GNAI2: variants seen among roughly 807,000 people sequenced by gnomAD.
The protein encoded by GNAI2 is guanine nucleotide-binding protein G(i) subunit alpha-2.
A neutral mutation model predicts 36.8 loss-of-function variants in GNAI2; 4 were observed. The ratio of observed to expected loss-of-function variants is 0.11; its 90% CI spans 0.05 to 0.25. The LOEUF (loss-of-function observed/expected upper bound fraction) is 0.25, where lower values mean the gene tolerates loss of function less well. Ranked by LOEUF, GNAI2 falls within the 10% of genes least tolerant of loss-of-function variation. The pLI is 1.00. For missense variants in GNAI2, 230 were observed against 481.3 expected, an observed-to-expected ratio of 0.48 and a Z score of 4.89; for synonymous variants, 194 against 194.1, an observed-to-expected ratio of 1.00 and a Z score of 0.01.
chr3:50,253,225 G>C lies in GNAI2; in HGVS notation c.464+41G>C. On this transcript the variant is annotated intron_variant, in intron 4 of 8. Coordinates refer to ENST00000313601, the MANE Select transcript of GNAI2 (RefSeq NM_002070.4). The surrounding 1 kb of genome is among the most constrained non-coding windows in gnomAD (Gnocchi z 4.2). ...GGCTGGGCAGGGCAGGGCAGGGGCT[G>C]GGGGAGGACTAAAGGCTGGACCGGA... 1 of 1,539,618 alleles carries C rather than the reference G, an allele frequency of 6.5e-7. No individual in the cohort carries two copies. The highest frequency in any genetic ancestry group is 8.9e-7 in the Non-Finnish European group (1 of 1,120,620).
intron 1 of GNAI2, chr3:50,251,307 AG>A (rs1700551864): frequency 1.1e-6 from 1 of 899,786 alleles, no homozygotes; most frequent in Admixed American, 6.2e-5. Flanking sequence ...GAACAGAAAC[AG>A]TATCTGCTGT....
At chr3:50,248,644 T>G (rs1553702030) in intron 1 of GNAI2, among the ~76,000 whole-genome samples, 1 of 152,164 alleles carries the variant, frequency 6.6e-6, no homozygotes, top group Admixed American at 6.5e-5. Context: ...ACTTCCCGCC[T>G]GAGTCACAGC....
chr3:50,252,536 G>A lies in GNAI2; in HGVS notation c.301G>A (p.Ala101Thr), dbSNP rs149596343. 131 of 1,612,424 alleles carry A rather than the reference G, an allele frequency of 8.1e-5. No individual in the cohort carries two copies. The highest frequency in any genetic ancestry group is 1.1e-4 in the Non-Finnish European group (127 of 1,179,282). Residue 101 changes from alanine to threonine, a missense_variant and splice_region_variant, in exon 3 of 9, where the codon GCG becomes ACG. Ala to Thr is a moderately conservative substitution (Grantham distance 58). Coordinates refer to ENST00000313601, the MANE Select transcript of GNAI2 (RefSeq NM_002070.4). This position sits in a 1 kb window ranked among gnomAD's most constrained non-coding sequence, Gnocchi z 4.1. ...LQIDFADPSRADDARQLFALS... is the reference protein window; with the variant it reads ...LQIDFADPSRTDDARQLFALS... Reference sequence around the variant, plus strand: ...GATCGACTTTGCCGACCCCTCCAGAGCGGTATGTGCCCTCCGCCCCACCCT... The same window carrying A: ...GATCGACTTTGCCGACCCCTCCAGAACGGTATGTGCCCTCCGCCCCACCCT...
chr3:50,243,322 G>A (rs587729553), intron 1 of GNAI2, among the ~76,000 whole-genome samples: 206 of 152,382 alleles, frequency 1.4e-3, no homozygotes, highest in Non-Finnish European at 2.7e-3. Flanking sequence ...CTGGGAGAAG[G>A]ACGCTGGCGG....
chr3:50,259,157 GC>G lies in GNAI2; in HGVS notation c.*818del, dbSNP rs782788940. 1.5e-5 allele frequency: 5 copies of G among 332,482 alleles called. No homozygotes were observed. Among genetic ancestry groups the G allele is most frequent in the African/African-American group, 4.3e-5 (2 of 46,260 alleles). The allele number at this position is 332,482 out of a possible 1,614,324, so 20.6% of individuals were successfully genotyped here. A position where few individuals can be genotyped will look rare whatever the true frequency, so the allele number is the denominator to read the frequency against. On this transcript the variant is annotated 3_prime_UTR_variant, in exon 9 of 9. Transcript: ENST00000313601. ...TGAGGGCCCTGCCCCAGCGGCCCTG[GC>G]CCCAGGCTCTATTAACCTAAAATGT...
intron 1 of GNAI2, among the ~76,000 whole-genome samples, chr3:50,243,832 C>T (rs1258066240): frequency 2.6e-5 from 4 of 152,030 alleles, no homozygotes; most frequent in Admixed American, 6.6e-5. Flanking sequence ...CTGGAAGTAA[C>T]GGATCAGGCA....
intron 1 of GNAI2, among the ~76,000 whole-genome samples, chr3:50,250,922 G>GAA: frequency 1.3e-5 from 2 of 151,744 alleles, no homozygotes; most frequent in South Asian, 4.1e-4. Context: ...CGATTCTTCT[G>GAA]CCTCAGCCTC....
chr3:50,227,970 T>C (rs1023675148), upstream of GNAI2, among the ~76,000 whole-genome samples: 1 of 152,094 alleles, frequency 6.6e-6, no homozygotes, highest in Non-Finnish European at 1.5e-5. The surrounding 1 kb of genome is among the most constrained non-coding windows in gnomAD (Gnocchi z 5.9). Flanking sequence ...ACGGGGACAT[T>C]GGGAGCCCCT....
intron 1 of GNAI2, among the ~76,000 whole-genome samples, chr3:50,250,966 C>T (rs141607829): frequency 6.6e-5 from 10 of 152,298 alleles, no homozygotes; most frequent in East Asian, 1.9e-4. Context: ...CCTGCCACCA[C>T]GCCTGGCTAG....
chr3:50,237,818 G>C (rs1024286611), intron 1 of GNAI2, among the ~76,000 whole-genome samples: 1 of 152,176 alleles, frequency 6.6e-6, no homozygotes, highest in Non-Finnish European at 1.5e-5. Context: ...GTTGTAGGCT[G>C]AGAAGTGCAT....
rs1553700453 is a variant in GNAI2 at position 50,236,778 on chromosome 3, A to T, written c.118+325A>T. On this transcript the variant is annotated intron_variant, in intron 1 of 8. Coordinates refer to ENST00000313601, the MANE Select transcript of GNAI2 (RefSeq NM_002070.4). This position sits in a 1 kb window ranked among gnomAD's most constrained non-coding sequence, Gnocchi z 4.0. ...CTTCAGAGCCCCGCCATCCTTCCCTACACTTTGCCCAAACCCCCAGGATGC... is the reference window on the plus strand; with the variant it reads ...CTTCAGAGCCCCGCCATCCTTCCCTTCACTTTGCCCAAACCCCCAGGATGC... Among the ~76,000 whole-genome samples the T allele has an allele frequency of 6.6e-6, 1 of 151,618 alleles. No individual in the cohort carries two copies. The highest frequency in any genetic ancestry group is 1.9e-4 in the East Asian group (1 of 5,154).
chr3:50,258,983 A>G lies in GNAI2; in HGVS notation c.*640A>G. The stretch of plus-strand genomic sequence containing the variant: ...GATCCTGACCAGCAAGCCCCCCCCC[A>G]GCCCCCCTTCCAAGTGACTCCGTGC... On this transcript the variant is annotated 3_prime_UTR_variant, in exon 9 of 9. Transcript: ENST00000313601. The G allele has an allele frequency of 2.6e-6, 1 of 379,784 alleles. No individual in the cohort carries two copies. Among genetic ancestry groups the G allele is most frequent in the South Asian group, 1.7e-5 (1 of 59,646 alleles). 23.5% of individuals were successfully genotyped at this position (379,784 alleles called of 1,614,324 possible). A position where few individuals can be genotyped will look rare whatever the true frequency, so the allele number is the denominator to read the frequency against.
rs1700312525 is a variant in GNAI2, at chr3:50,242,140, A to G, written c.118+5687A>G. 6.6e-6 allele frequency among the ~76,000 whole-genome samples: 1 copy of G among 152,256 alleles called. No individual in the cohort carries two copies. Among genetic ancestry groups the G allele is most frequent in the Non-Finnish European group, 1.5e-5 (1 of 67,998 alleles). ...AGCCACCCATTCACTTGGCGGGAAC[A>G]GGATGGAGGAAGCTTTGTCCACCCA... On this transcript the variant is annotated intron_variant, in intron 1 of 8. Transcript: ENST00000313601. This position sits in a 1 kb window ranked among gnomAD's most constrained non-coding sequence, Gnocchi z 4.8.
intron 1 of GNAI2, among the ~76,000 whole-genome samples, chr3:50,245,598 G>A (rs946627001): frequency 6.6e-6 from 1 of 152,230 alleles, no homozygotes; most frequent in Non-Finnish European, 1.5e-5. Context: ...GCCCAGCTCC[G>A]CGTGATCCGC....
In GNAI2 at chr3:50,256,173, T is replaced by TA; in HGVS notation, c.465-19_465-18insA. 2 of 517,100 alleles carry TA rather than the reference T, an allele frequency of 3.9e-6. No individual in the cohort carries two copies. The highest frequency in any genetic ancestry group is 6.6e-6 in the Non-Finnish European group (2 of 302,332). 32.0% of individuals were successfully genotyped at this position (517,100 alleles called of 1,614,324 possible). ...GCCCCATGCTGGCCCCCACTGACCC[T>TA]CCCACCCCCCATCCCCAGCTACCTG... On this transcript the variant is annotated intron_variant, in intron 4 of 8. Coordinates refer to ENST00000313601, the MANE Select transcript of GNAI2 (RefSeq NM_002070.4).
At chr3:50,245,813 G>A (rs2109197279) in intron 1 of GNAI2, among the ~76,000 whole-genome samples, 1 of 152,368 alleles carries the variant, frequency 6.6e-6, no homozygotes, top group East Asian at 1.9e-4. Flanking sequence ...AGGACCTGAG[G>A]CCTCAGTTTC....
chr3:50,254,753 A>G (rs1420401971), intron 4 of GNAI2, among the ~76,000 whole-genome samples: 1 of 152,174 alleles, frequency 6.6e-6, no homozygotes, highest in African/African-American at 2.4e-5. Context: ...CTCTTTCTCT[A>G]TTCTCCAGAC....
chr3:50,233,516 G>A (rs1366275875), upstream of GNAI2, among the ~76,000 whole-genome samples: 3 of 152,240 alleles, frequency 2.0e-5, no homozygotes, highest in African/African-American at 7.2e-5. Flanking sequence ...AAGCCAGTTT[G>A]TAGTCTGTGC....
chr3:50,240,831 A>G (rs1266622373), intron 1 of GNAI2, among the ~76,000 whole-genome samples: 9 of 151,508 alleles, frequency 5.9e-5, no homozygotes, highest in African/African-American at 2.2e-4. Flanking sequence ...AGGCACGAGA[A>G]TCGCTTGAAC....
Sources: gnomAD v4.1 joint callset for allele counts (sites outside exome capture counted in the v4.1 genomes callset) on GRCh38, gnomAD v4.1.1 for gene constraint, Gnocchi (gnomAD v3.1) non-coding constraint, MANE v1.5 for transcripts, NCBI Gene and HGNC (gene_info 2026-07-23, HGNC 2026-07-21) for gene names.